The following CTDSPL2 variants were observed in gnomAD, a reference collection of about 807,000 sequenced individuals.
CTDSPL2 encodes CTD small phosphatase like 2.
Under a neutral mutation model 60.0 loss-of-function variants are expected in CTDSPL2, and 5 were observed. That is an observed-to-expected ratio of 0.08 (90% CI 0.04 to 0.18). CTDSPL2 has a LOEUF of 0.18. Ranked by LOEUF, CTDSPL2 falls within the 10% of genes least tolerant of loss-of-function variation. CTDSPL2 has a pLI of 1.00. For missense variants in CTDSPL2, 370 were observed against 548.8 expected (o/e 0.67, Z 3.26); for synonymous variants, 186 against 189.3 (o/e 0.98, Z 0.14).
At chr15:44,515,115 G>A (rs182945310) in intron 10 of CTDSPL2, among the ~76,000 whole-genome samples, 5 of 152,024 alleles carry the variant, frequency 3.3e-5, no homozygotes, top group South Asian at 2.1e-4. Flanking sequence ...ACGGGGGTTG[G>A]GGGGGTTGTG....
At chr15:44,513,563 G>A (rs150153799) in intron 8 of CTDSPL2, among the ~76,000 whole-genome samples, 1 of 152,096 alleles carries the variant, frequency 6.6e-6, no homozygotes, top group East Asian at 1.9e-4. Flanking sequence ...TTGTCATGGG[G>A]GCATTTTTGT....
At chr15:44,472,055 A>G (rs1350230685) in intron 2 of CTDSPL2, among the ~76,000 whole-genome samples, 2 of 151,886 alleles carry the variant, frequency 1.3e-5, no homozygotes, top group Non-Finnish European at 2.9e-5. Context: ...GCCAAGTAAT[A>G]TTCTGTTGTA....
intron 1 of CTDSPL2, among the ~76,000 whole-genome samples, chr15:44,457,460 C>G (rs1255191281): frequency 6.6e-6 from 1 of 152,180 alleles, no homozygotes; most frequent in African/African-American, 2.4e-5. Flanking sequence ...GCTTCTTCAC[C>G]TCTGGATTAG....
At chr15:44,480,897 A>G (rs1407549446) in intron 2 of CTDSPL2, among the ~76,000 whole-genome samples, 1 of 152,166 alleles carries the variant, frequency 6.6e-6, no homozygotes, top group Non-Finnish European at 1.5e-5. Context: ...TATTTAGTGA[A>G]ACAGCTTATA....
intron 8 of CTDSPL2, among the ~76,000 whole-genome samples, chr15:44,500,487 G>A (rs894495493): frequency 6.6e-6 from 1 of 152,130 alleles, no homozygotes; most frequent in Non-Finnish European, 1.5e-5. Context: ...TTTGAAAATT[G>A]CAAAGTACGT....
chr15:44,472,592 G>A (rs1595733060), intron 2 of CTDSPL2, among the ~76,000 whole-genome samples: 1 of 144,636 alleles, frequency 6.9e-6, no homozygotes, highest in South Asian at 2.2e-4. Context: ...TCTGCTTCCT[G>A]GGCTCAAGTG....
At chr15:44,460,908 C>G (rs1712523636) in intron 2 of CTDSPL2, among the ~76,000 whole-genome samples, 1 of 152,098 alleles carries the variant, frequency 6.6e-6, no homozygotes, top group South Asian at 2.1e-4. Flanking sequence ...TGATGGGAAC[C>G]TTGCTACGTA....
intron 11 of CTDSPL2, chr15:44,520,517 G>A (rs946948098): frequency 8.5e-5 from 13 of 152,118 alleles, no homozygotes; most frequent in Non-Finnish European, 1.8e-4. Context: ...ATGCAAAGTG[G>A]ATTGGAGTAT....
In CTDSPL2 at chr15:44,526,300, T is replaced by A. The variant is rs1291076193; in HGVS notation, c.*2126T>A. ...CTGAACTTTCAGCATGCATTCTGAT[T>A]GCTGAAAGATTTCCTGATTTAGTGC... On this transcript the variant is annotated 3_prime_UTR_variant, in exon 13 of 13. Coordinates refer to ENST00000260327, the MANE Select transcript of CTDSPL2 (RefSeq NM_016396.3). The A allele has an allele frequency of 6.6e-6, 1 of 152,174 alleles. No homozygotes were observed. The highest frequency in any genetic ancestry group is 1.9e-4 in the East Asian group (1 of 5,208). 9.4% of individuals were successfully genotyped at this position (152,174 alleles called of 1,614,324 possible).
intron 1 of CTDSPL2, among the ~76,000 whole-genome samples, chr15:44,430,739 CTAAG>C (rs2079840157): frequency 6.6e-6 from 1 of 151,942 alleles, no homozygotes; most frequent in Admixed American, 6.6e-5. Flanking sequence ...GTGTTGTGCT[CTAAG>C]TAATTTTTCT....
intron 2 of CTDSPL2, among the ~76,000 whole-genome samples, chr15:44,482,211 A>G (rs1397961184): frequency 6.6e-6 from 1 of 152,026 alleles, no homozygotes; most frequent in South Asian, 2.1e-4. Context: ...CAGTGGTGCA[A>G]TCATAGCTCC....
chr15:44,443,706 G>A (rs1442347694), intron 1 of CTDSPL2, among the ~76,000 whole-genome samples: 1 of 151,950 alleles, frequency 6.6e-6, no homozygotes, highest in Non-Finnish European at 1.5e-5. Flanking sequence ...TTGTCTATTT[G>A]TATATCCTCT....
chr15:44,514,552 C>T (rs767747867), intron 8 of CTDSPL2, 46 bp from the exon 9 acceptor site: 2 of 1,116,802 alleles, frequency 1.8e-6, no homozygotes, highest in Non-Finnish European at 1.4e-6. Flanking sequence ...GAAGTGGTTT[C>T]CCATTGTATG....
At position 44,473,929 on chromosome 15, in the gene CTDSPL2, G is replaced by A. The variant is rs552810933; in HGVS notation, c.187-10295G>A. Among the ~76,000 whole-genome samples, 12 of 152,024 alleles carry A rather than the reference G, an allele frequency of 7.9e-5. No homozygotes were observed. In the East Asian group the frequency reaches 2.1e-3, roughly 27 times the overall value. ...CTGCATTGTTTTAACTTCCATTTCC[G>A]AGGCTCAGGTGATCCTCACGCCTCA... On this transcript the variant is annotated intron_variant, in intron 2 of 12. Transcript: ENST00000260327.
intron 8 of CTDSPL2, among the ~76,000 whole-genome samples, chr15:44,511,911 C>T (rs147795956): frequency 4.8e-4 from 70 of 144,772 alleles, no homozygotes; most frequent in African/African-American, 1.8e-3. Flanking sequence ...GAAACTTAGT[C>T]GGGTGTGATG....
chr15:44,486,868 A>G (rs913210207), intron 4 of CTDSPL2, among the ~76,000 whole-genome samples, 168 bp downstream of exon 4: 13 of 151,618 alleles, frequency 8.6e-5, no homozygotes, highest in African/African-American at 3.2e-4. Flanking sequence ...GGTTCAAGCA[A>G]TACTCCTGCC....
intron 3 of CTDSPL2, 74 bp from the exon 4 acceptor site, chr15:44,486,476 TA>T: frequency 9.5e-7 from 1 of 1,050,350 alleles, no homozygotes; most frequent in Non-Finnish European, 1.4e-6. Context: ...GTTACTTCTA[TA>T]ATGAATGATT....
chr15:44,466,944 A>C, intron 2 of CTDSPL2, among the ~76,000 whole-genome samples: 1 of 151,674 alleles, frequency 6.6e-6, no homozygotes, highest in East Asian at 1.9e-4. Context: ...GTCTCAAAAA[A>C]CAAAACAAAA....
At chr15:44,458,084 C>T (rs2080486371) in intron 1 of CTDSPL2, among the ~76,000 whole-genome samples, 1 of 152,158 alleles carries the variant, frequency 6.6e-6, no homozygotes, top group African/African-American at 2.4e-5. Flanking sequence ...TGGTGAATAG[C>T]TTTATTGTCC....
Sources: gnomAD v4.1 joint callset for allele counts (sites outside exome capture counted in the v4.1 genomes callset) on GRCh38, gnomAD v4.1.1 for gene constraint, MANE v1.5 for transcripts, NCBI Gene and HGNC (gene_info 2026-07-23, HGNC 2026-07-21) for gene names.